Variants in PCDH15 observed in about 807,000 individuals in gnomAD.
PCDH15 encodes the protein protocadherin-15.
PCDH15 carries 129 observed loss-of-function variants against 178.5 expected under a neutral mutation model. That is an observed-to-expected ratio of 0.72 (90% CI 0.63 to 0.84). The LOEUF is 0.84. PCDH15 is among the 40% of genes least tolerant of loss of function. The probability of loss-of-function intolerance (pLI) is 0.00; values close to 1 mark genes in which losing one functional copy is unlikely to be tolerated. For missense variants in PCDH15, 2,230 were observed against 2,099.9 expected, an observed-to-expected ratio of 1.06 and a Z score of -1.21; for synonymous variants, 800 against 732.0, an observed-to-expected ratio of 1.09 and a Z score of -1.50.
At chr10:54,245,168 T>G (rs1367854668) in intron 8 of PCDH15, among the ~76,000 whole-genome samples, 1 of 152,142 alleles carries the variant, frequency 6.6e-6, no homozygotes, top group African/African-American at 2.4e-5. Flanking sequence ...ATGAAACATA[T>G]ATAACAAAGT....
At chr10:55,253,108 T>A (rs1841885434) in intron 1 of PCDH15, among the ~76,000 whole-genome samples, 2 of 152,064 alleles carry the variant, frequency 1.3e-5, no homozygotes, top group South Asian at 4.1e-4. Flanking sequence ...TTTCAATTAT[T>A]TGTAGAGTCA....
intron 2 of PCDH15, among the ~76,000 whole-genome samples, chr10:54,980,801 T>C (rs1839214517): frequency 6.6e-6 from 1 of 152,106 alleles, no homozygotes; most frequent in Non-Finnish European, 1.5e-5. Context: ...ATAGACGATT[T>C]ATTGATATTA....
At chr10:53,886,015 C>T (rs2081068704) in intron 26 of PCDH15, among the ~76,000 whole-genome samples, 1 of 152,096 alleles carries the variant, frequency 6.6e-6, no homozygotes, top group African/African-American at 2.4e-5. Context: ...TTCAATAAAA[C>T]TGTGTTTTTA....
At chr10:55,575,395 A>C (rs1410884620) in intron 2 of PCDH15, among the ~76,000 whole-genome samples, 3 of 152,144 alleles carry the variant, frequency 2.0e-5, no homozygotes, top group Non-Finnish European at 4.4e-5. Context: ...ATTTTGCCAA[A>C]TAAAAGTGTA....
chr10:54,362,645 G>A (rs11004255), intron 5 of PCDH15, among the ~76,000 whole-genome samples: 65,900 of 151,724 alleles, frequency 0.43, 15,277 homozygotes, highest in Middle Eastern at 0.6. Flanking sequence ...GATCCTTATA[G>A]AGCCGTGCGT....
intron 13 of PCDH15, among the ~76,000 whole-genome samples, chr10:54,169,025 G>A (rs941789643): frequency 6.6e-6 from 1 of 152,280 alleles, no homozygotes; most frequent in African/African-American, 2.4e-5. Context: ...ACAGGAGCTT[G>A]CTACACATGC....
intron 21 of PCDH15, among the ~76,000 whole-genome samples, chr10:53,976,791 G>C (rs1042980713): frequency 6.6e-6 from 1 of 151,138 alleles, no homozygotes; most frequent in South Asian, 2.1e-4. Flanking sequence ...TGATATTTAC[G>C]GTGTCTTTTA....
chr10:54,445,507 T>TA (rs776274328), intron 3 of PCDH15, among the ~76,000 whole-genome samples: 3 of 151,562 alleles, frequency 2.0e-5, no homozygotes, highest in Non-Finnish European at 4.4e-5. Flanking sequence ...TAGGTTACTT[T>TA]AAAAAAATAT....
At chr10:54,444,245 T>A (rs1379632606) in intron 3 of PCDH15, among the ~76,000 whole-genome samples, 1 of 151,662 alleles carries the variant, frequency 6.6e-6, no homozygotes, top group Non-Finnish European at 1.5e-5. Context: ...CTTCACATCA[T>A]AACCATTATG....
intron 1 of PCDH15, among the ~76,000 whole-genome samples, chr10:54,691,552 T>C (rs1473077609): frequency 2.6e-5 from 4 of 151,690 alleles, no homozygotes; most frequent in African/African-American, 9.6e-5. Context: ...ATTACTCTTC[T>C]GAGTACAGCA....
chr10:54,270,550 G>A (rs559497630), intron 8 of PCDH15, among the ~76,000 whole-genome samples: 35 of 152,212 alleles, frequency 2.3e-4, no homozygotes, highest in African/African-American at 8.2e-4. Flanking sequence ...CTTCTTCAGC[G>A]TATCCTCATT....
rs1449001012 is a variant in PCDH15, at chr10:54,236,946, AAG to A, written c.877-17_877-16del. On this transcript the variant is annotated splice_polypyrimidine_tract_variant and intron_variant, in intron 8 of 37. Transcript: ENST00000644397. ...TTCAGTTCTTCCTGAAAAAAAAATTAAGAGAGTTTCATTCAGCCGCATTACTA... is the reference window on the plus strand; with the variant it reads ...TTCAGTTCTTCCTGAAAAAAAAATTAAGAGTTTCATTCAGCCGCATTACTA... 1.3e-6 allele frequency: 2 copies of A among 1,590,690 alleles called. No individual in the cohort carries two copies. Among genetic ancestry groups the A allele is most frequent in the African/African-American group, 1.3e-5 (1 of 74,488 alleles).
intron 2 of PCDH15, among the ~76,000 whole-genome samples, chr10:54,968,355 C>A (rs529065742): frequency 1.3e-5 from 2 of 152,178 alleles, no homozygotes; most frequent in African/African-American, 4.8e-5. Context: ...TATATAATTT[C>A]ATATCCTTTT....
rs558566504 is a variant in PCDH15 at position 55,072,652 on chromosome 10, C to T, written c.-80+93924G>A. Among the ~76,000 whole-genome samples, 1,299 of 152,002 alleles carry T rather than the reference C, an allele frequency of 8.5e-3. 19 individuals are homozygous for T. The highest frequency in any genetic ancestry group is 0.03 in the African/African-American group (1,233 of 41,440). On this transcript the variant is annotated intron_variant, in intron 2 of 5. Transcript: ENST00000458638. ...GTCCAGGACAAGACGGATTCACAGC[C>T]GAATTCTACCAGAGGTACAAGGAGG...
intron 2 of PCDH15, among the ~76,000 whole-genome samples, chr10:55,109,723 ACTC>A (rs1170450196): frequency 6.6e-6 from 1 of 151,948 alleles, no homozygotes; most frequent in East Asian, 1.9e-4. Flanking sequence ...TGTTGAAGTT[ACTC>A]CTATTTTTGA....
chr10:54,292,675 T>C (rs2059496628), intron 8 of PCDH15, among the ~76,000 whole-genome samples: 1 of 151,836 alleles, frequency 6.6e-6, no homozygotes, highest in Non-Finnish European at 1.5e-5. Context: ...TATATGTCAA[T>C]AACAGACAGA....
rs189414094 is a variant in PCDH15, at chr10:55,421,491, A to G, written c.-156+206134T>C. Among the ~76,000 whole-genome samples the G allele has an allele frequency of 5.3e-5, 8 of 149,808 alleles. No individual in the cohort carries two copies. In the East Asian group the frequency reaches 1.6e-3, roughly 29 times the overall value. On this transcript the variant is annotated intron_variant, in intron 2 of 5. Coordinates refer to the PCDH15 transcript ENST00000613346. ...GATAAATTTACATCATAGCTAAAAG[A>G]GAAAATCATTTCATATAGCATACTA...
At chr10:53,984,665 A>G (rs2090972732) in intron 21 of PCDH15, among the ~76,000 whole-genome samples, 1 of 152,202 alleles carries the variant, frequency 6.6e-6, no homozygotes, top group South Asian at 2.1e-4. Flanking sequence ...CCTATAGTTT[A>G]TGAAACATTA....
intron 2 of PCDH15, chr10:54,600,025 G>A: frequency 7.5e-7 from 1 of 1,342,052 alleles, no homozygotes; most frequent in South Asian, 1.3e-5. Context: ...GTCAAAAGCA[G>A]AAGTGGGGAA....
Sources: allele counts gnomAD v4.1 joint callset (sites outside exome capture counted in the v4.1 genomes callset), GRCh38; gene constraint gnomAD v4.1.1; transcripts MANE v1.5; gene names NCBI Gene and HGNC (gene_info 2026-07-23, HGNC 2026-07-21).